PAK1: variants seen among roughly 807,000 people sequenced by gnomAD.
PAK1 encodes the protein serine/threonine-protein kinase PAK 1.
A neutral mutation model predicts 67.4 loss-of-function variants in PAK1; 29 were observed. The ratio of observed to expected loss-of-function variants is 0.43; its 90% CI spans 0.32 to 0.59. The LOEUF (loss-of-function observed/expected upper bound fraction) is 0.59, where lower values mean the gene tolerates loss of function less well. Among genes scored for constraint, PAK1 ranks in the 20% least tolerant of loss-of-function variants. The pLI, the probability that PAK1 is intolerant of heterozygous loss-of-function variation, is 0.07. For synonymous variants in PAK1, 223 were observed against 237.4 expected (o/e 0.94, Z 0.56); for missense variants, 337 against 670.7 (o/e 0.50, Z 5.50).
upstream of PAK1, chr11:77,474,502 G>A (rs1345506253): frequency 6.6e-6 from 1 of 152,202 alleles, no homozygotes; most frequent in Non-Finnish European, 1.5e-5. Context: ...TTTCTGGGAG[G>A]GCTACTGTAG....
chr11:77,378,846 C>T (rs1439908918), intron 4 of PAK1, among the ~76,000 whole-genome samples: 1 of 152,190 alleles, frequency 6.6e-6, no homozygotes, highest in African/African-American at 2.4e-5. Context: ...CCTTGGCCTC[C>T]CAAAGTGTTG....
At chr11:77,486,709 C>T in the PAK1 span, among the ~76,000 whole-genome samples, 1 of 152,138 alleles carries the variant, frequency 6.6e-6, no homozygotes, top group Admixed American at 6.5e-5. Context: ...CAACACCATC[C>T]AAAACTCAGC....
intron 1 of PAK1, among the ~76,000 whole-genome samples, chr11:77,435,133 T>A (rs113450776): frequency 0.049 from 5,793 of 117,786 alleles, 423 homozygotes; most frequent in African/African-American, 0.16. Context: ...AAAAAAAAAA[T>A]TGAAATTAAA....
At chr11:77,411,430 A>T (rs1393857291) in intron 1 of PAK1, among the ~76,000 whole-genome samples, 1 of 151,600 alleles carries the variant, frequency 6.6e-6, no homozygotes, top group African/African-American at 2.4e-5. Flanking sequence ...CCAGCAGGCC[A>T]GCGACTAAGC....
chr11:77,497,257 T>C, the PAK1 span, among the ~76,000 whole-genome samples: 4 of 152,232 alleles, frequency 2.6e-5, no homozygotes, highest in African/African-American at 9.6e-5. Context: ...GGTATGGAGA[T>C]GAATAAAATA....
intron 2 of PAK1, among the ~76,000 whole-genome samples, chr11:77,382,693 C>T (rs1949986755): frequency 1.3e-5 from 2 of 152,256 alleles, no homozygotes; most frequent in South Asian, 4.1e-4. Context: ...AGTTGAAGAA[C>T]ACTCTAGAAA....
At chr11:77,398,422 G>A (rs11237178) in intron 1 of PAK1, among the ~76,000 whole-genome samples, 65 of 152,238 alleles carry the variant, frequency 4.3e-4, no homozygotes, top group East Asian at 2.9e-3. Flanking sequence ...TTCCATCCAC[G>A]TTGTTGCAAA....
intron 14 of PAK1, among the ~76,000 whole-genome samples, chr11:77,332,365 A>AGGGG (rs1941806485): frequency 0.014 from 1 of 74 alleles, no homozygotes; most frequent in Non-Finnish European, 0.023. Context: ...AAGGGAAGGG[A>AGGGG]AAGGAAGGGA....
chr11:77,465,177 T>A (rs1957540844), intron 1 of PAK1, among the ~76,000 whole-genome samples: 1 of 152,188 alleles, frequency 6.6e-6, no homozygotes, highest in Non-Finnish European at 1.5e-5. Flanking sequence ...AAATATATTT[T>A]ACCATTCTCC....
At chr11:77,505,733 G>C in the PAK1 span, among the ~76,000 whole-genome samples, 1 of 152,176 alleles carries the variant, frequency 6.6e-6, no homozygotes. Context: ...AGGTGTTGCA[G>C]AAATACTTTC....
At chr11:77,366,327 C>T (rs1947577227) in intron 5 of PAK1, among the ~76,000 whole-genome samples, 1 of 152,140 alleles carries the variant, frequency 6.6e-6, no homozygotes, top group Non-Finnish European at 1.5e-5. Flanking sequence ...TAAAAAAATA[C>T]TTTTTGTTAT....
chr11:77,419,047 A>G (rs2853088), intron 1 of PAK1, among the ~76,000 whole-genome samples: 43,746 of 152,102 alleles, frequency 0.29, 6,586 homozygotes, highest in South Asian at 0.45. Flanking sequence ...TTTGGTTACC[A>G]AAAGTTAACT....
intron 1 of PAK1, among the ~76,000 whole-genome samples, chr11:77,402,014 A>C (rs561386): frequency 0.24 from 36,795 of 152,086 alleles, 5,070 homozygotes; most frequent in Non-Finnish European, 0.31. Flanking sequence ...CAGGACCTGA[A>C]AGGATCCTGA....
At chr11:77,500,356 A>G in the PAK1 span, among the ~76,000 whole-genome samples, 1 of 152,148 alleles carries the variant, frequency 6.6e-6, no homozygotes, top group Non-Finnish European at 1.5e-5. Context: ...AGTCCCAGCT[A>G]CTCAGGAGGC....
chr11:77,372,177 T>A (rs1948527958), intron 5 of PAK1, among the ~76,000 whole-genome samples: 1 of 152,228 alleles, frequency 6.6e-6, no homozygotes, highest in African/African-American at 2.4e-5. Flanking sequence ...TACAAAAGCA[T>A]AAAGACATTT....
chr11:77,474,830 A>T (rs1029930122), upstream of PAK1: 1 of 152,170 alleles, frequency 6.6e-6, no homozygotes, highest in Non-Finnish European at 1.5e-5. Context: ...TCCTGAGCTC[A>T]GATTGTGTAT....
At chr11:77,523,814 T>A in the PAK1 span, among the ~76,000 whole-genome samples, 3 of 152,142 alleles carry the variant, frequency 2.0e-5, no homozygotes, top group Non-Finnish European at 4.4e-5. Flanking sequence ...GACAGTGAAG[T>A]GGCAATGGAA....
intron 8 of PAK1, among the ~76,000 whole-genome samples, chr11:77,350,998 C>G (rs1397802355): frequency 5.9e-5 from 9 of 152,104 alleles, no homozygotes; most frequent in African/African-American, 2.2e-4. Context: ...TAGAAAGCTA[C>G]TTAGGCCCAC....
chr11:77,490,718 C>T, the PAK1 span, among the ~76,000 whole-genome samples: 4 of 152,210 alleles, frequency 2.6e-5, no homozygotes, highest in Admixed American at 6.5e-5. Context: ...ATTGAGAAAT[C>T]GGATGGTTGC....
Sources: gnomAD v4.1 joint callset for allele counts (sites outside exome capture counted in the v4.1 genomes callset) on GRCh38, gnomAD v4.1.1 for gene constraint, MANE v1.5 for transcripts, NCBI Gene and HGNC (gene_info 2026-07-23, HGNC 2026-07-21) for gene names.